Variants in TRMT11 observed in about 807,000 individuals in gnomAD.
The protein encoded by TRMT11 is tRNA (guanine(10)-N(2))-methyltransferase TRMT11.
TRMT11 carries 53 observed loss-of-function variants against 62.8 expected under a neutral mutation model. The observed-to-expected ratio is 0.84, with a 90% CI of 0.68 to 1.06. The LOEUF (loss-of-function observed/expected upper bound fraction) is 1.06. Ranked by LOEUF, TRMT11 falls within the 50% of genes least tolerant of loss-of-function variation. TRMT11 has a pLI of 0.00. For synonymous variants in TRMT11, 188 were observed against 190.3 expected (o/e 0.99, Z 0.10); for missense variants, 556 against 553.4 (o/e 1.00, Z -0.05).
chr6:126,147,171 CA>C (rs1343069504), intron 21 of TRMT11, among the ~76,000 whole-genome samples: 1 of 152,098 alleles, frequency 6.6e-6, no homozygotes, highest in Non-Finnish European at 1.5e-5. Context: ...AAGAGGAGGT[CA>C]GGGGAGAAAA....
In TRMT11 at chr6:125,988,019, A is replaced by C. The variant is rs560025152; in HGVS notation, c.72+1397A>C. Among the ~76,000 whole-genome samples, 3 of 152,346 alleles carry C rather than the reference A, an allele frequency of 2.0e-5. No individual in the cohort carries two copies. The East Asian group carries it at 5.8e-4, about 29-fold the overall frequency. Reference sequence around the variant, plus strand: ...AGGTCAAAAGAGTAGCGGGCCAAGTATAGATGCTTGGAAGCATTGATATTA... The same window carrying C: ...AGGTCAAAAGAGTAGCGGGCCAAGTCTAGATGCTTGGAAGCATTGATATTA... On this transcript the variant is annotated intron_variant, in intron 1 of 12. Coordinates refer to ENST00000334379, the MANE Select transcript of TRMT11 (RefSeq NM_001031712.3).
At chr6:126,240,589 C>T in the TRMT11 span, among the ~76,000 whole-genome samples, 1 of 152,154 alleles carries the variant, frequency 6.6e-6, no homozygotes, top group Non-Finnish European at 1.5e-5. Flanking sequence ...CAGAGGAGTA[C>T]CCGGCCGTGT....
intron 17 of TRMT11, among the ~76,000 whole-genome samples, chr6:126,080,797 C>A (rs550385559): frequency 2.0e-5 from 3 of 152,114 alleles, no homozygotes; most frequent in Non-Finnish European, 4.4e-5. Context: ...ACAGTGGGCC[C>A]AGTTGGTCAG....
chr6:126,114,768 A>T (rs1777568831), intron 19 of TRMT11, among the ~76,000 whole-genome samples: 2 of 152,032 alleles, frequency 1.3e-5, no homozygotes, highest in Admixed American at 6.6e-5. Flanking sequence ...CAAATATTTT[A>T]TTTGTTATTC....
chr6:126,044,005 G>A (rs1445890120), downstream of TRMT11, among the ~76,000 whole-genome samples: 1 of 150,574 alleles, frequency 6.6e-6, no homozygotes, highest in Non-Finnish European at 1.5e-5. Flanking sequence ...TCTGTAGGTT[G>A]CCTGTTCACT....
intron 1 of TRMT11, among the ~76,000 whole-genome samples, chr6:125,988,065 A>G (rs1201793044): frequency 2.0e-5 from 3 of 152,236 alleles, no homozygotes; most frequent in African/African-American, 2.4e-5. Flanking sequence ...GGAGGAGGCC[A>G]TGAAGAAGAT....
upstream of TRMT11, chr6:126,177,109 G>A (rs570791605): frequency 1.3e-5 from 2 of 152,134 alleles, no homozygotes; most frequent in Admixed American, 1.3e-4. Flanking sequence ...TTTCATCAGA[G>A]TCAAGAAAAT....
chr6:126,014,981 A>C (rs1454367027), intron 11 of TRMT11, among the ~76,000 whole-genome samples: 1 of 152,040 alleles, frequency 6.6e-6, no homozygotes, highest in East Asian at 1.9e-4. Flanking sequence ...AGATAAGAGT[A>C]TATTTGTTCA....
chr6:126,257,174 C>CT, the TRMT11 span, among the ~76,000 whole-genome samples: 1 of 152,022 alleles, frequency 6.6e-6, no homozygotes, highest in Non-Finnish European at 1.5e-5. Context: ...GTGTGAGCCA[C>CT]TGTGCCCGGC....
Position 126,001,088 on chromosome 6 carries a change from A to C in TRMT11, c.679+1475A>C, listed in dbSNP as rs568789248. On this transcript the variant is annotated intron_variant, in intron 7 of 12. Coordinates refer to ENST00000334379, the MANE Select transcript of TRMT11 (RefSeq NM_001031712.3). ...ATCACATCCCTTTACCCTTCAAGTA[A>C]TTATTTCTCAAGAATGAGGATATAT... 2.0e-5 allele frequency among the ~76,000 whole-genome samples: 3 copies of C among 152,224 alleles called. No homozygotes were observed. In the South Asian group the frequency reaches 6.2e-4, roughly 32 times the overall value.
At chr6:126,174,979 G>T (rs911531677), upstream of TRMT11, among the ~76,000 whole-genome samples, 2 of 152,192 alleles carry the variant, frequency 1.3e-5, no homozygotes, top group African/African-American at 4.8e-5. Context: ...CTTACAGAAT[G>T]TTGTATCAAA....
intron 1 of TRMT11, among the ~76,000 whole-genome samples, chr6:125,987,747 A>G (rs975953401): frequency 2.6e-5 from 4 of 152,216 alleles, no homozygotes; most frequent in Non-Finnish European, 5.9e-5. Context: ...CCAGTCAGGT[A>G]TGACTCCTGG....
chr6:126,039,534 C>T (rs1436523681), downstream of TRMT11, among the ~76,000 whole-genome samples: 3 of 151,934 alleles, frequency 2.0e-5, no homozygotes, highest in African/African-American at 4.8e-5. Context: ...TAGAAAGTAA[C>T]GGATAGTTAA....
intron 12 of TRMT11, among the ~76,000 whole-genome samples, chr6:126,030,498 C>G (rs942713489): frequency 6.6e-6 from 1 of 152,178 alleles, no homozygotes; most frequent in African/African-American, 2.4e-5. Context: ...TTCCATGAAT[C>G]TAAAAAGTTT....
chr6:126,030,070 T>C (rs1048280499), intron 12 of TRMT11, among the ~76,000 whole-genome samples: 18 of 152,228 alleles, frequency 1.2e-4, no homozygotes, highest in African/African-American at 4.1e-4. Flanking sequence ...TGTAAATACC[T>C]AATTCAAGGA....
chr6:126,174,252 C>A (rs1778360996), upstream of TRMT11, among the ~76,000 whole-genome samples: 1 of 152,154 alleles, frequency 6.6e-6, no homozygotes, highest in African/African-American at 2.4e-5. Flanking sequence ...CCAGAAGACT[C>A]CAAACCCAGA....
intron 10 of TRMT11, 22 bp from the exon 11 acceptor site, chr6:126,012,948 A>G (rs774712665): frequency 8.1e-6 from 13 of 1,608,204 alleles, no homozygotes; most frequent in Non-Finnish European, 1.0e-5. Context: ...ACTGATTTTG[A>G]AATTTTCTTT....
the TRMT11 span, among the ~76,000 whole-genome samples, chr6:126,223,946 CT>C: frequency 6.6e-6 from 1 of 152,138 alleles, no homozygotes; most frequent in Non-Finnish European, 1.5e-5. Flanking sequence ...GTTAATACTT[CT>C]GATTGTATTA....
intron 21 of TRMT11, among the ~76,000 whole-genome samples, chr6:126,140,995 G>C (rs1411542504): frequency 6.6e-6 from 1 of 151,968 alleles, no homozygotes; most frequent in Non-Finnish European, 1.5e-5. Flanking sequence ...ATCTCATGAG[G>C]GTAGTTATAT....
Sources: allele counts gnomAD v4.1 joint callset (sites outside exome capture counted in the v4.1 genomes callset), GRCh38; gene constraint gnomAD v4.1.1; transcripts MANE v1.5; gene names NCBI Gene and HGNC (gene_info 2026-07-23, HGNC 2026-07-21).